TAF1: variants seen among roughly 807,000 people sequenced by gnomAD.
The protein encoded by TAF1 is transcription initiation factor TFIID subunit 1.
Under a neutral mutation model 138.5 loss-of-function variants are expected in TAF1, and 2 were observed. The observed-to-expected ratio is 0.01, with a 90% CI of 0.01 to 0.05. TAF1 has a LOEUF of 0.05. TAF1 is among the 10% of genes least tolerant of loss of function. The pLI, the probability that TAF1 is intolerant of heterozygous loss-of-function variation, is 1.00. For synonymous variants in TAF1, 437 were observed against 503.2 expected, an observed-to-expected ratio of 0.87 and a Z score of 1.76; for missense variants, 709 against 1,478.0, an observed-to-expected ratio of 0.48 and a Z score of 8.53.
At chrX:71,404,030 G>GT (rs1347778724) in intron 25 of TAF1, among the ~76,000 whole-genome samples, 1 of 108,820 alleles carries the variant, frequency 9.2e-6, no homozygotes, top group Non-Finnish European at 1.9e-5. Flanking sequence ...CTGGAGTGCG[G>GT]TGGCGCAATC....
At chrX:71,473,860 C>T (rs1034547053) in intron 13 of TAF1, among the ~76,000 whole-genome samples, 2 of 110,918 alleles carry the variant, frequency 1.8e-5, no homozygotes, top group African/African-American at 6.6e-5. Context: ...GAAACAGGTC[C>T]TCTGGCTGGG....
In TAF1 at chrX:71,388,927, T is replaced by TC. The variant is rs2034401201; in HGVS notation, c.2700+65dup. The TC allele has an allele frequency of 1.3e-5, 15 of 1,126,719 alleles. No homozygotes were observed. In the South Asian group the frequency reaches 1.9e-4, roughly 14 times the overall value. The allele number at this position is 1,126,719 out of a possible 1,213,427, so 92.9% of individuals were successfully genotyped here. ...TGTGGTTTTTTGTTTTTTTTTTTCT[T>TC]CCCCCCAGAGAGATGAGAGAGAAGA... On this transcript the variant is annotated intron_variant, in intron 17 of 37. Coordinates refer to ENST00000423759, the MANE Select transcript of TAF1 (RefSeq NM_004606.5).
intron 13 of TAF1, among the ~76,000 whole-genome samples, chrX:71,506,978 C>G (rs1319517502): frequency 8.9e-6 from 1 of 111,794 alleles, no homozygotes; most frequent in East Asian, 2.8e-4. Flanking sequence ...ACAAAGGTCA[C>G]ACATTGTATG....
rs61199901 is a variant in TAF1, at chrX:71,525,830, A to ATT, written c.1367-2698_1367-2697dup. 9.5e-3 allele frequency among the ~76,000 whole-genome samples: 867 copies of ATT among 91,004 alleles called. 15 individuals carry two copies. The highest frequency in any genetic ancestry group is 0.032 in the African/African-American group (793 of 24,954). 79.0% of individuals were successfully genotyped at this position (91,004 alleles called of 115,157 possible). On this transcript the variant is annotated intron_variant and NMD_transcript_variant, in intron 13 of 14. Transcript: ENST00000373775. ...CACCACACCCAGCTAATTTTTTTGT[A>ATT]TTTTTTTTTTTTTTTGTAGAGATGG...
chrX:71,514,284 C>T (rs1475044371), intron 13 of TAF1, among the ~76,000 whole-genome samples: 2 of 109,843 alleles, frequency 1.8e-5, no homozygotes, highest in Non-Finnish European at 3.8e-5. Context: ...TGTGCCTTTG[C>T]ACTCTAGCCT....
In TAF1 at chrX:71,503,320, A is replaced by ATG. The variant is rs761227550; in HGVS notation, c.1367-25214_1367-25213dup. 1.6e-3 allele frequency among the ~76,000 whole-genome samples: 141 copies of ATG among 88,672 alleles called. 2 individuals carry two copies. The highest frequency in any genetic ancestry group is 4.0e-3 in the African/African-American group (79 of 19,518). The allele number at this position is 88,672 out of a possible 115,157, so 77.0% of individuals were successfully genotyped here. A position where few individuals can be genotyped will look rare whatever the true frequency, so the allele number is the denominator to read the frequency against. ...TGTGTATATATATATATATATATATATGTGTGTGTATATATATATATATGT... is the reference window on the plus strand; with the variant it reads ...TGTGTATATATATATATATATATATATGTGTGTGTGTATATATATATATATGT... On this transcript the variant is annotated intron_variant and NMD_transcript_variant, in intron 13 of 14. Coordinates refer to the TAF1 transcript ENST00000373775.
intron 32 of TAF1, among the ~76,000 whole-genome samples, chrX:71,447,920 C>T (rs1032177710): frequency 1.8e-5 from 2 of 111,172 alleles, no homozygotes; most frequent in Admixed American, 1.9e-4. Flanking sequence ...TAGACCCTAC[C>T]GCTCCTTATT....
In TAF1 at chrX:71,464,533, C is replaced by A. The variant is rs774727720; in HGVS notation, c.*487C>A. The A allele has an allele frequency of 2.7e-4, 73 of 266,282 alleles. No individual in the cohort carries two copies. Among genetic ancestry groups the A allele is most frequent in the African/African-American group, 1.9e-3 (66 of 35,535 alleles). 21.9% of individuals were successfully genotyped at this position (266,282 alleles called of 1,213,427 possible). ...CAGCTTGGCCAACATGGCGAAACCG[C>A]ATCTCTACTAAAAATACAAAAATTA... On this transcript the variant is annotated 3_prime_UTR_variant, in exon 38 of 38. Transcript: ENST00000423759.
chrX:71,452,165 C>A (rs866745335), intron 32 of TAF1, among the ~76,000 whole-genome samples: 171 of 109,244 alleles, frequency 1.6e-3, no homozygotes, highest in Non-Finnish European at 2.3e-3. Context: ...GGGGCTGACC[C>A]CCCCACCTCC....
At chrX:71,486,775 A>G (rs1404641477) in intron 13 of TAF1, among the ~76,000 whole-genome samples, 1 of 111,080 alleles carries the variant, frequency 9.0e-6, no homozygotes, top group Non-Finnish European at 1.9e-5. Flanking sequence ...TAGGTTATCC[A>G]ATAATTATAG....
rs748295318 is a variant in TAF1, at chrX:71,378,076, G to A, written c.934-159G>A. 86 of 603,849 alleles carry A rather than the reference G, an allele frequency of 1.4e-4. No individual in the cohort carries two copies. In the African/African-American group the frequency reaches 1.7e-3, roughly 12 times the overall value. The allele number at this position is 603,849 out of a possible 1,213,427, so 49.8% of individuals were successfully genotyped here. A position where few individuals can be genotyped will look rare whatever the true frequency, so the allele number is the denominator to read the frequency against. On this transcript the variant is annotated intron_variant, in intron 6 of 37. Transcript: ENST00000423759. Reference sequence around the variant, plus strand: ...CTGAATAAGAAGGTTTGATTGATAGGTGGAATGTGCTATGATACATCTCCA... The same window carrying A: ...CTGAATAAGAAGGTTTGATTGATAGATGGAATGTGCTATGATACATCTCCA...
At chrX:71,426,436 CTGGG>C (rs1354272950) in intron 32 of TAF1, among the ~76,000 whole-genome samples, 1 of 108,438 alleles carries the variant, frequency 9.2e-6, no homozygotes, top group African/African-American at 3.3e-5. Context: ...AGGAAACAGG[CTGGG>C]TGTGGTGGCT....
intron 13 of TAF1, chrX:71,528,229 TCTTCTGCCTG>T: frequency 4.4e-6 from 1 of 226,963 alleles, no homozygotes; most frequent in South Asian, 5.0e-5. Flanking sequence ...TGCTCACTTT[TCTTCTGCCTG>T]TCAGTGTATG....
intron 13 of TAF1, among the ~76,000 whole-genome samples, chrX:71,483,766 C>A (rs1300069919): frequency 1.4e-4 from 11 of 76,871 alleles, no homozygotes; most frequent in African/African-American, 5.8e-4. Flanking sequence ...CTCTCTCTCT[C>A]TCTCTCTCTC....
rs1029688184 is a variant in TAF1, at chrX:71,401,756, A to G, written c.3998+17A>G. On this transcript the variant is annotated intron_variant, in intron 25 of 37. Transcript: ENST00000423759. ...AATTGAGAGGTAAGAGATACCAGGC[A>G]GGAAGTGCTATGGGACAGATTTATT... 5 of 1,198,682 alleles carry G rather than the reference A, an allele frequency of 4.2e-6. No homozygotes were observed. Among genetic ancestry groups the G allele is most frequent in the Non-Finnish European group, 5.7e-6 (5 of 883,630 alleles).
At chrX:71,404,951 C>CT (rs1170234048) in intron 25 of TAF1, among the ~76,000 whole-genome samples, 1,707 of 74,727 alleles carry the variant, frequency 0.023, 36 homozygotes, top group East Asian at 0.047. Context: ...TTATTCCAAA[C>CT]TTTTTTTTTT....
intron 13 of TAF1, chrX:71,492,910 G>GGCCCCCA (rs897608159): frequency 2.6e-5 from 3 of 113,321 alleles, no homozygotes; most frequent in African/African-American, 9.6e-5. Context: ...CTGCAGCCCA[G>GGCCCCCA]GCCCCCAGCC....
intron 14 of TAF1, among the ~76,000 whole-genome samples, chrX:71,385,463 A>G (rs2034154679): frequency 9.0e-6 from 1 of 111,635 alleles, no homozygotes; most frequent in African/African-American, 3.3e-5. Context: ...GTCCCCAGCC[A>G]TAGTGAAATG....
At chrX:71,427,323 T>G (rs2036639978) in intron 32 of TAF1, among the ~76,000 whole-genome samples, 1 of 112,153 alleles carries the variant, frequency 8.9e-6, no homozygotes, top group Non-Finnish European at 1.9e-5. Flanking sequence ...TGTCCCTTGT[T>G]GGGTCAATTA....
Sources: allele counts gnomAD v4.1 joint callset (sites outside exome capture counted in the v4.1 genomes callset), GRCh38; gene constraint gnomAD v4.1.1; transcripts MANE v1.5; gene names NCBI Gene and HGNC (gene_info 2026-07-23, HGNC 2026-07-21).